The following SLCO5A1 variants were observed in gnomAD, a reference collection of about 807,000 sequenced individuals.
SLCO5A1 encodes the protein solute carrier organic anion transporter family member 5A1.
Under a neutral mutation model 65.1 loss-of-function variants are expected in SLCO5A1, and 39 were observed. The observed-to-expected ratio is 0.60, with a 90% CI of 0.46 to 0.78. The LOEUF (loss-of-function observed/expected upper bound fraction) is 0.78, where lower values mean the gene tolerates loss of function less well. Ranked by LOEUF, SLCO5A1 falls within the 30% of genes least tolerant of loss-of-function variation. The probability of loss-of-function intolerance (pLI) is 0.00; values close to 1 mark genes in which losing one functional copy is unlikely to be tolerated. For missense variants in SLCO5A1, 1,029 were observed against 1,069.4 expected (o/e 0.96, Z 0.53); for synonymous variants, 438 against 415.7 (o/e 1.05, Z -0.65).
chr8:69,752,526 TC>T (rs1280316074), intron 4 of SLCO5A1, among the ~76,000 whole-genome samples: 1 of 152,162 alleles, frequency 6.6e-6, no homozygotes, highest in Admixed American at 6.5e-5. Flanking sequence ...GTCACTTTCT[TC>T]AGGTGATATG....
intron 6 of SLCO5A1, among the ~76,000 whole-genome samples, chr8:69,682,818 G>C (rs749351829): frequency 6.6e-6 from 1 of 152,150 alleles, no homozygotes; most frequent in East Asian, 1.9e-4. Context: ...ATTAATATAC[G>C]TTCCTTCGAC....
At chr8:69,821,780 T>TG (rs1486053187) in intron 2 of SLCO5A1, among the ~76,000 whole-genome samples, 1 of 144,826 alleles carries the variant, frequency 6.9e-6, no homozygotes, top group Non-Finnish European at 1.5e-5. Context: ...CACTCCAGCC[T>TG]GGGCAACAGA....
chr8:69,777,633 T>C (rs1299418535), intron 2 of SLCO5A1, among the ~76,000 whole-genome samples: 1 of 152,138 alleles, frequency 6.6e-6, no homozygotes, highest in Admixed American at 6.5e-5. Flanking sequence ...AATCAACAAT[T>C]CTTAAGTTTT....
intron 2 of SLCO5A1, among the ~76,000 whole-genome samples, chr8:69,826,932 C>T (rs868257603): frequency 9.9e-4 from 151 of 151,978 alleles, no homozygotes; most frequent in Middle Eastern, 3.4e-3. Context: ...ATTAAGAAAA[C>T]GTGGCACATA....
chr8:69,735,205 C>T (rs1304521272), intron 5 of SLCO5A1, among the ~76,000 whole-genome samples: 1 of 152,168 alleles, frequency 6.6e-6, no homozygotes, highest in Non-Finnish European at 1.5e-5. Context: ...AATAGGAACG[C>T]TTTTACACTG....
At chr8:69,746,423 A>G (rs994628745) in intron 4 of SLCO5A1, among the ~76,000 whole-genome samples, 1 of 152,160 alleles carries the variant, frequency 6.6e-6, no homozygotes, top group Non-Finnish European at 1.5e-5. Flanking sequence ...TAAAGGGACT[A>G]AAGTCAAACA....
intron 6 of SLCO5A1, among the ~76,000 whole-genome samples, chr8:69,686,937 A>G (rs1426902016): frequency 6.6e-6 from 1 of 152,240 alleles, no homozygotes; most frequent in Non-Finnish European, 1.5e-5. Flanking sequence ...ATTTGTAAAC[A>G]GTTATCAAAA....
chr8:69,736,497 G>A (rs768898677), intron 5 of SLCO5A1, among the ~76,000 whole-genome samples: 4 of 152,182 alleles, frequency 2.6e-5, no homozygotes, highest in African/African-American at 4.8e-5. Context: ...AGGCAGCTCT[G>A]CTCCCTAGTC....
intron 2 of SLCO5A1, among the ~76,000 whole-genome samples, chr8:69,764,528 T>C (rs1817964041): frequency 6.6e-6 from 1 of 152,176 alleles, no homozygotes; most frequent in Admixed American, 6.5e-5. Flanking sequence ...TGACTCTCCA[T>C]CTGTGTTTGG....
intron 2 of SLCO5A1, among the ~76,000 whole-genome samples, chr8:69,818,230 T>C (rs1219728023): frequency 6.6e-6 from 1 of 152,218 alleles, no homozygotes; most frequent in Non-Finnish European, 1.5e-5. Flanking sequence ...GAACTGCAAT[T>C]AGCCCCTGAT....
At chr8:69,710,319 G>A (rs1033074926) in intron 5 of SLCO5A1, among the ~76,000 whole-genome samples, 5 of 151,980 alleles carry the variant, frequency 3.3e-5, no homozygotes, top group Non-Finnish European at 7.4e-5. Flanking sequence ...GCGCCCGACC[G>A]GCAATGGCCC....
At chr8:69,714,248 G>A (rs982278678) in intron 5 of SLCO5A1, among the ~76,000 whole-genome samples, 2 of 152,112 alleles carry the variant, frequency 1.3e-5, no homozygotes, top group African/African-American at 4.8e-5. Context: ...TTAAGGCAGA[G>A]AACAAACTTT....
At chr8:69,762,198 CTTTTT>C in intron 2 of SLCO5A1, among the ~76,000 whole-genome samples, 1 of 80,972 alleles carries the variant, frequency 1.2e-5, no homozygotes, top group Non-Finnish European at 2.4e-5. Flanking sequence ...TTCTTTCTTT[CTTTTT>C]TGAGACAGAG....
chr8:69,801,674 T>C (rs1442598262), intron 2 of SLCO5A1, among the ~76,000 whole-genome samples: 1 of 152,218 alleles, frequency 6.6e-6, no homozygotes, highest in Non-Finnish European at 1.5e-5. Flanking sequence ...TAGATGATGG[T>C]ATTTGATGAA....
At chr8:69,682,817 C>T (rs1456144868) in intron 6 of SLCO5A1, among the ~76,000 whole-genome samples, 1 of 152,192 alleles carries the variant, frequency 6.6e-6, no homozygotes, top group African/African-American at 2.4e-5. Flanking sequence ...TATTAATATA[C>T]GTTCCTTCGA....
chr8:69,784,944 AAGAAAGAAGAAAGGAAGGAAGAAAGAAAG>A, intron 2 of SLCO5A1, among the ~76,000 whole-genome samples: 4 of 148,396 alleles, frequency 2.7e-5, no homozygotes, highest in Non-Finnish European at 3.0e-5. Context: ...GAAAGAAAGA[AAGAAAGAAGAAAGGAAGGAAGAAAGAAAG>A]AGAAAGAAAG....
At chr8:69,793,973 C>A (rs191763017) in intron 2 of SLCO5A1, 3 of 162,172 alleles carry the variant, frequency 1.8e-5, no homozygotes, top group African/African-American at 7.2e-5. Flanking sequence ...GATAATATTA[C>A]TATCCCTTTA....
At chr8:69,710,694 G>T (rs1815200463) in intron 5 of SLCO5A1, among the ~76,000 whole-genome samples, 1 of 152,172 alleles carries the variant, frequency 6.6e-6, no homozygotes, top group South Asian at 2.1e-4. Flanking sequence ...TGGTAGCTGA[G>T]TCATAATTAA....
intron 2 of SLCO5A1, among the ~76,000 whole-genome samples, chr8:69,776,923 G>A (rs1318966900): frequency 6.6e-6 from 1 of 152,212 alleles, no homozygotes; most frequent in Non-Finnish European, 1.5e-5. Context: ...TGTTCTTGAG[G>A]ATGTGATGCA....
Sources: gnomAD v4.1 joint callset for allele counts (sites outside exome capture counted in the v4.1 genomes callset) on GRCh38, gnomAD v4.1.1 for gene constraint, MANE v1.5 for transcripts, NCBI Gene and HGNC (gene_info 2026-07-23, HGNC 2026-07-21) for gene names.